DIAPH3: variants seen among roughly 807,000 people sequenced by gnomAD.
DIAPH3 encodes the protein protein diaphanous homolog 3.
A neutral mutation model predicts 144.3 loss-of-function variants in DIAPH3; 117 were observed. That is an observed-to-expected ratio of 0.81 (90% confidence interval 0.70 to 0.95). DIAPH3 has a LOEUF of 0.95. DIAPH3 is among the 40% of genes least tolerant of loss of function. The pLI is 0.00. For missense variants in DIAPH3, 1,421 were observed against 1,412.7 expected (o/e 1.01, Z -0.09); for synonymous variants, 519 against 488.9 (o/e 1.06, Z -0.81).
At chr13:59,710,390 T>C (rs572175400) in intron 27 of DIAPH3, among the ~76,000 whole-genome samples, 2 of 151,636 alleles carry the variant, frequency 1.3e-5, no homozygotes, top group South Asian at 4.2e-4. Flanking sequence ...ACTCTCTACA[T>C]TTAAAGTTAG....
chr13:59,980,932 GA>G lies in DIAPH3; in HGVS notation c.1481-74del, dbSNP rs974580460. ...CATTATGACTTCAAAAGTTTAGAAAGAAAAAAGATCATAGAAAATAATTAAA... is the reference window on the plus strand; with the variant it reads ...CATTATGACTTCAAAAGTTTAGAAAGAAAAAGATCATAGAAAATAATTAAA... On this transcript the variant is annotated intron_variant, in intron 13 of 27. Transcript: ENST00000400324. 6 of 1,242,924 alleles carry G rather than the reference GA, an allele frequency of 4.8e-6. No homozygotes were observed. In the African/African-American group the frequency reaches 7.5e-5, roughly 16 times the overall value. 77.0% of individuals were successfully genotyped at this position (1,242,924 alleles called of 1,614,324 possible). A position where few individuals can be genotyped will look rare whatever the true frequency, so the allele number is the denominator to read the frequency against.
chr13:59,700,524 A>AG (rs2034050267), intron 27 of DIAPH3, among the ~76,000 whole-genome samples: 1 of 152,200 alleles, frequency 6.6e-6, no homozygotes, highest in African/African-American at 2.4e-5. Context: ...TTCTGAAATT[A>AG]GGTTTAAGCC....
At chr13:60,095,399 C>T (rs1282201356) in intron 3 of DIAPH3, among the ~76,000 whole-genome samples, 1 of 152,054 alleles carries the variant, frequency 6.6e-6, no homozygotes, top group Non-Finnish European at 1.5e-5. Context: ...ATTATACTCA[C>T]TTAAACTCAC....
At chr13:59,692,070 A>T (rs2033552535) in intron 27 of DIAPH3, among the ~76,000 whole-genome samples, 1 of 151,638 alleles carries the variant, frequency 6.6e-6, no homozygotes, top group African/African-American at 2.4e-5. Context: ...TGGTTTTGAT[A>T]AAAATACTAG....
chr13:59,965,955 G>GA (rs906174232), intron 17 of DIAPH3, among the ~76,000 whole-genome samples: 6 of 151,924 alleles, frequency 3.9e-5, no homozygotes, highest in Admixed American at 2.6e-4. Context: ...ATGAGAAAAA[G>GA]AAAAAACATA....
At chr13:60,108,606 GA>G (rs1370031265) in intron 3 of DIAPH3, among the ~76,000 whole-genome samples, 1 of 149,046 alleles carries the variant, frequency 6.7e-6, no homozygotes, top group African/African-American at 2.5e-5. Flanking sequence ...ACTCCGTCTC[GA>G]AAAAAAAATA....
intron 27 of DIAPH3, among the ~76,000 whole-genome samples, chr13:59,684,619 A>G (rs1441688497): frequency 6.6e-6 from 1 of 152,182 alleles, no homozygotes; most frequent in Non-Finnish European, 1.5e-5. Flanking sequence ...AATCATACTC[A>G]TCACAAATCT....
At chr13:59,734,336 G>T (rs77831358) in intron 27 of DIAPH3, among the ~76,000 whole-genome samples, 1 of 152,018 alleles carries the variant, frequency 6.6e-6, no homozygotes, top group Non-Finnish European at 1.5e-5. Flanking sequence ...TGAAAAGTGG[G>T]TCTAATCCAA....
chr13:59,991,329 AATAAT>A, intron 11 of DIAPH3, 55 bp from the exon 12 acceptor site: 2 of 1,212,772 alleles, frequency 1.6e-6, no homozygotes, highest in Non-Finnish European at 2.4e-6. Flanking sequence ...AAACAACTAT[AATAAT>A]ATGACAGAAT....
intron 4 of DIAPH3, among the ~76,000 whole-genome samples, chr13:60,052,954 C>A: frequency 6.0e-5 from 1 of 16,692 alleles, no homozygotes; most frequent in African/African-American, 3.8e-4. Context: ...AGCCAGACTC[C>A]CTCTTAAAAA....
At chr13:59,705,485 TG>T (rs1231205473) in intron 27 of DIAPH3, among the ~76,000 whole-genome samples, 3 of 152,300 alleles carry the variant, frequency 2.0e-5, no homozygotes, top group African/African-American at 7.2e-5. Context: ...AGAAGCCCTT[TG>T]GAGTGAGGCC....
chr13:60,106,797 A>G (rs2058432537), intron 3 of DIAPH3, among the ~76,000 whole-genome samples: 1 of 152,204 alleles, frequency 6.6e-6, no homozygotes, highest in Admixed American at 6.5e-5. Context: ...TATAATCAGA[A>G]AAATATAAAT....
chr13:59,877,511 C>T (rs1005173793), intron 21 of DIAPH3, among the ~76,000 whole-genome samples: 1 of 152,080 alleles, frequency 6.6e-6, no homozygotes, highest in African/African-American at 2.4e-5. Flanking sequence ...TGGCATGTGG[C>T]GAGTGTGACT....
chr13:60,140,399 T>TA (rs1167352461), intron 1 of DIAPH3, among the ~76,000 whole-genome samples: 1 of 152,194 alleles, frequency 6.6e-6, no homozygotes, highest in Non-Finnish European at 1.5e-5. Context: ...AGCATTACTT[T>TA]AAATAGCTAG....
At chr13:59,729,345 A>G (rs754545871) in intron 27 of DIAPH3, among the ~76,000 whole-genome samples, 19 of 152,188 alleles carry the variant, frequency 1.2e-4, no homozygotes, top group Admixed American at 3.3e-4. Flanking sequence ...GAGCAGGCAC[A>G]GAGATAAGAG....
In DIAPH3 at chr13:60,065,253, T is replaced by TAAAAAAAAA. The variant is rs11344639; in HGVS notation, c.496-22442_496-22434dup. Reference sequence around the variant, plus strand: ...GGGTTTCCACAGTCCTTTAATTTATTAAAAAAAAAAAAAAAAAAAAAAGCA... The same window carrying TAAAAAAAAA: ...GGGTTTCCACAGTCCTTTAATTTATTAAAAAAAAAAAAAAAAAAAAAAAAAAAAAAAGCA... On this transcript the variant is annotated intron_variant, in intron 4 of 27. Coordinates refer to ENST00000400324, the MANE Select transcript of DIAPH3 (RefSeq NM_001042517.2). Among the ~76,000 whole-genome samples, 7 of 88,274 alleles carry TAAAAAAAAA rather than the reference T, an allele frequency of 7.9e-5. 1 individual carries two copies. The highest frequency in any genetic ancestry group is 4.3e-4 in the South Asian group (1 of 2,306). The allele number at this position is 88,274 out of a possible 152,430, so 57.9% of individuals were successfully genotyped here.
At chr13:59,912,827 G>A (rs1374036161) in intron 19 of DIAPH3, among the ~76,000 whole-genome samples, 2 of 152,004 alleles carry the variant, frequency 1.3e-5, no homozygotes, top group Admixed American at 1.3e-4. Context: ...TAAAAATACT[G>A]TTAGAGAATG....
At chr13:59,873,197 T>C (rs2044385448) in intron 21 of DIAPH3, among the ~76,000 whole-genome samples, 1 of 152,242 alleles carries the variant, frequency 6.6e-6, no homozygotes, top group South Asian at 2.1e-4. Context: ...TGCAAGTCTT[T>C]GGCCCATAAC....
intron 18 of DIAPH3, among the ~76,000 whole-genome samples, chr13:59,920,492 T>C (rs1039504651): frequency 2.0e-5 from 3 of 151,540 alleles, no homozygotes; most frequent in African/African-American, 4.8e-5. Context: ...CAAAAGGATG[T>C]AACACTTGTA....
Sources: allele counts gnomAD v4.1 joint callset (sites outside exome capture counted in the v4.1 genomes callset), GRCh38; gene constraint gnomAD v4.1.1; transcripts MANE v1.5; gene names NCBI Gene and HGNC (gene_info 2026-07-23, HGNC 2026-07-21).